Variants in ZNF37A observed in about 807,000 individuals in gnomAD.
ZNF37A encodes zinc finger protein 37a (KOX 21).
ZNF37A carries 10 observed loss-of-function variants against 12.3 expected under a neutral mutation model. The observed-to-expected ratio is 0.82, with a 90% CI of 0.50 to 1.38. The LOEUF (loss-of-function observed/expected upper bound fraction) is 1.38, where lower values mean the gene tolerates loss of function less well. Among genes scored for constraint, ZNF37A ranks in the 40% most tolerant of loss-of-function variants. The probability of loss-of-function intolerance (pLI) is 0.00; values close to 1 mark genes in which losing one functional copy is unlikely to be tolerated. For synonymous variants in ZNF37A, 207 were observed against 223.0 expected (o/e 0.93, Z 0.64); for missense variants, 580 against 651.2 (o/e 0.89, Z 1.19).
At chr10:38,100,439 G>A (rs541049069) in intron 5 of ZNF37A, among the ~76,000 whole-genome samples, 71 of 152,250 alleles carry the variant, frequency 4.7e-4, no homozygotes, top group African/African-American at 1.4e-3. Context: ...CATAGGAGAC[G>A]GCCACACCCA....
At chr10:38,100,184 A>G (rs1454218686) in intron 5 of ZNF37A, among the ~76,000 whole-genome samples, 1 of 152,220 alleles carries the variant, frequency 6.6e-6, no homozygotes, top group Non-Finnish European at 1.5e-5. Flanking sequence ...AGTACTTTAC[A>G]AGGTAATAGA....
Position 38,095,058 on chromosome 10 carries a change from G to C in ZNF37A, c.-364G>C, listed in dbSNP as rs372670362. 1 of 152,682 alleles carries C rather than the reference G, an allele frequency of 6.5e-6. No individual in the cohort carries two copies. Among genetic ancestry groups the C allele is most frequent in the African/African-American group, 2.4e-5 (1 of 41,492 alleles). 9.5% of individuals were successfully genotyped at this position (152,682 alleles called of 1,614,324 possible). On this transcript the variant is annotated 5_prime_UTR_variant, in exon 2 of 8. Coordinates refer to ENST00000685332, the MANE Select transcript of ZNF37A (RefSeq NM_001324250.3). ...CGGAGGGAGGCACCCCAGGCCCTCC[G>C]GCACTGTCCAGCCTCGCCTGTGTCC...
At chr10:38,107,725 C>CTT (rs1163431704) in intron 5 of ZNF37A, among the ~76,000 whole-genome samples, 1 of 151,758 alleles carries the variant, frequency 6.6e-6, no homozygotes, top group African/African-American at 2.4e-5. Context: ...ATAAAACAGA[C>CTT]TAAACCAACG....
chr10:38,107,994 C>G (rs1262428144), intron 5 of ZNF37A, among the ~76,000 whole-genome samples: 1 of 152,088 alleles, frequency 6.6e-6, no homozygotes, highest in Non-Finnish European at 1.5e-5. Context: ...AGCTCTGGAC[C>G]AAGCAGACCT....
chr10:38,112,147 T>A (rs202237693), intron 5 of ZNF37A, among the ~76,000 whole-genome samples: 23 of 146,532 alleles, frequency 1.6e-4, no homozygotes, highest in African/African-American at 5.6e-4. Context: ...AAAAAAAAAC[T>A]AAAAAAAAAC....
intron 4 of ZNF37A, 46 bp from the exon 5 acceptor site, chr10:38,096,528 C>CT (rs1206299509): frequency 1.6e-5 from 23 of 1,431,710 alleles, no homozygotes; most frequent in Admixed American, 2.0e-5. Flanking sequence ...CGAAGTGGAC[C>CT]TTTTAAGGCA....
chr10:38,095,363 C>T (rs2067069070), intron 2 of ZNF37A, 139 bp downstream of exon 2: 1 of 152,352 alleles, frequency 6.6e-6, no homozygotes, highest in African/African-American at 2.4e-5. Flanking sequence ...TCCAGACCCC[C>T]ACAGGCTGGG....
Position 38,118,755 on chromosome 10 carries a change from A to G in ZNF37A, c.1604A>G (p.Lys535Arg), listed in dbSNP as rs2069504625. The G allele has an allele frequency of 6.2e-7, 1 of 1,613,264 alleles. No individual in the cohort carries two copies. Among genetic ancestry groups the G allele is most frequent in the Admixed American group, 1.7e-5 (1 of 59,868 alleles). ...GTTTGTGGAAAATCATTCTATGTTA[A>G]GTCAAAACTAACTGTACATCAGAGA... ...CNVCGKSFYV[K>R]SKLTVHQRIH... Residue 535 changes from lysine (K) to arginine (R), a missense_variant, in exon 8 of 8, where the codon AAG (lysine) becomes AGG (arginine). Transcript: ENST00000685332.
chr10:38,095,982 C>G (rs1251256779), intron 4 of ZNF37A, among the ~76,000 whole-genome samples, 178 bp downstream of exon 4: 6 of 151,934 alleles, frequency 3.9e-5, no homozygotes, highest in Non-Finnish European at 8.8e-5. Flanking sequence ...GTCAGGAGTT[C>G]GAGACCAGCC....
chr10:38,104,730 T>C (rs2067895789), intron 5 of ZNF37A, among the ~76,000 whole-genome samples: 1 of 152,032 alleles, frequency 6.6e-6, no homozygotes, highest in African/African-American at 2.4e-5. Context: ...ACTGCCTCAA[T>C]CCCTCTCAAT....
At position 38,094,399 on chromosome 10, in the gene ZNF37A, C is replaced by G. The variant is rs2066964159; in HGVS notation, c.-583C>G. 6.6e-6 allele frequency: 1 copy of G among 152,204 alleles called. No individual in the cohort carries two copies. Among genetic ancestry groups the G allele is most frequent in the African/African-American group, 2.4e-5 (1 of 41,450 alleles). The allele number at this position is 152,204 out of a possible 1,614,324, so 9.4% of individuals were successfully genotyped here. On this transcript the variant is annotated 5_prime_UTR_variant, in exon 1 of 8. Coordinates refer to ENST00000685332, the MANE Select transcript of ZNF37A (RefSeq NM_001324250.3). ...GCCGCTTCGGGCCTTCTGGGCATGT[C>G]TGCCATATGGCTCCAGGTTTGTTTT... is the stretch of plus-strand genomic sequence containing the variant.
At chr10:38,096,698 C>T (rs764109274) in intron 5 of ZNF37A, 66 bp downstream of exon 5, 2 of 1,474,834 alleles carry the variant, frequency 1.4e-6, no homozygotes, top group Non-Finnish European at 1.9e-6. Flanking sequence ...AATGTCTATA[C>T]ATTCATATGA....
intron 5 of ZNF37A, among the ~76,000 whole-genome samples, chr10:38,112,802 T>TGGTCTCG (rs148186182): frequency 9.0e-4 from 62 of 69,066 alleles, no homozygotes; most frequent in Admixed American, 1.3e-3. Context: ...TTTCTTGTCT[T>TGGTCTCG]GTCTTGTCTT....
In ZNF37A at chr10:38,119,016, C is replaced by CACTA; in HGVS notation, c.*180_*183dup. 7.7e-7 allele frequency: 1 copy of CACTA among 1,294,512 alleles called. No homozygotes were observed. Among genetic ancestry groups the CACTA allele is most frequent in the Non-Finnish European group, 9.8e-7 (1 of 1,023,638 alleles). 80.2% of individuals were successfully genotyped at this position (1,294,512 alleles called of 1,614,324 possible). A position where few individuals can be genotyped will look rare whatever the true frequency, so the allele number is the denominator to read the frequency against. On this transcript the variant is annotated 3_prime_UTR_variant, in exon 8 of 8. Transcript: ENST00000685332. ...ACATTATTCTGGAATTTGGACCATA[C>CACTA]ACTATGTTACAAAACTAAAAGTGGA...
intron 5 of ZNF37A, among the ~76,000 whole-genome samples, chr10:38,103,971 C>T (rs959903012): frequency 9.2e-5 from 14 of 152,222 alleles, no homozygotes; most frequent in African/African-American, 3.1e-4. Context: ...TTACACAGAG[C>T]GTGAAGGTCA....
chr10:38,118,057 T>C lies in ZNF37A; in HGVS notation c.906T>C (p.His302=), dbSNP rs2136032060. Residue 302 remains histidine (H), a synonymous_variant, in exon 8 of 8, where the codon CAT becomes CAC. Coordinates refer to ENST00000685332, the MANE Select transcript of ZNF37A (RefSeq NM_001324250.3). ...THTGGKPYEC[H]ECGKTFYKNS... ...CAGGGGGAAAACCCTATGAATGTCATGAATGTGGGAAGACCTTCTATAAGA... is the reference window on the plus strand; with the variant it reads ...CAGGGGGAAAACCCTATGAATGTCACGAATGTGGGAAGACCTTCTATAAGA... The C allele has an allele frequency of 6.2e-7, 1 of 1,614,096 alleles. No homozygotes were observed. Among genetic ancestry groups the C allele is most frequent in the Non-Finnish European group, 8.5e-7 (1 of 1,180,008 alleles).
intron 5 of ZNF37A, among the ~76,000 whole-genome samples, chr10:38,101,025 C>T (rs2067523429): frequency 6.6e-6 from 1 of 152,146 alleles, no homozygotes; most frequent in Admixed American, 6.5e-5. Flanking sequence ...CTTTGTCCAT[C>T]TTTGAATCAG....
chr10:38,127,270 G>A (rs546923676), downstream of ZNF37A, among the ~76,000 whole-genome samples: 13 of 152,272 alleles, frequency 8.5e-5, no homozygotes, highest in African/African-American at 3.1e-4. Context: ...TCAAGCCCCA[G>A]AATCCTTTAA....
chr10:38,129,548 A>T (rs1389683782), downstream of ZNF37A, among the ~76,000 whole-genome samples: 1 of 151,972 alleles, frequency 6.6e-6, no homozygotes, highest in African/African-American at 2.4e-5. Context: ...TTCTGTGTTA[A>T]AAAACTATAA....
Sources: gnomAD v4.1 joint callset for allele counts (sites outside exome capture counted in the v4.1 genomes callset) on GRCh38, gnomAD v4.1.1 for gene constraint, MANE v1.5 for transcripts, NCBI Gene and HGNC (gene_info 2026-07-23, HGNC 2026-07-21) for gene names.